Variants in PTPRG observed in about 807,000 individuals in gnomAD.
PTPRG encodes protein tyrosine phosphatase receptor type G.
PTPRG carries 102 observed loss-of-function variants against 165.3 expected under a neutral mutation model. The observed-to-expected ratio is 0.62, with a 90% CI of 0.53 to 0.73. PTPRG has a LOEUF of 0.73. Among genes scored for constraint, PTPRG ranks in the 30% least tolerant of loss-of-function variants. The pLI is 0.00. For synonymous variants in PTPRG, 675 were observed against 669.5 expected, an observed-to-expected ratio of 1.01 and a Z score of -0.13; for missense variants, 1,866 against 1,861.4, an observed-to-expected ratio of 1.00 and a Z score of -0.05.
At chr3:62,280,011 C>G (rs1441228912) in intron 26 of PTPRG, among the ~76,000 whole-genome samples, 1 of 152,002 alleles carries the variant, frequency 6.6e-6, no homozygotes, top group Non-Finnish European at 1.5e-5. Flanking sequence ...AATTAACTTT[C>G]TCTTAGGCAT....
intron 2 of PTPRG, among the ~76,000 whole-genome samples, chr3:61,787,104 C>CA (rs918052196): frequency 1.5e-4 from 22 of 146,112 alleles, no homozygotes; most frequent in East Asian, 4.0e-4. Context: ...CTTTGTGTGC[C>CA]AAAAAAAAAA....
intron 21 of PTPRG, among the ~76,000 whole-genome samples, chr3:62,272,364 T>C (rs1216808995): frequency 6.6e-6 from 1 of 152,210 alleles, no homozygotes; most frequent in African/African-American, 2.4e-5. Flanking sequence ...ATAAAGCTTG[T>C]TTTTTGTCAG....
chr3:62,026,522 C>T (rs186806440), intron 4 of PTPRG, among the ~76,000 whole-genome samples: 102 of 152,186 alleles, frequency 6.7e-4, no homozygotes, highest in African/African-American at 2.3e-3. Flanking sequence ...AATGCTGGGC[C>T]CTGTACTGCT....
At chr3:62,070,910 A>G (rs550805189) in intron 4 of PTPRG, among the ~76,000 whole-genome samples, 1 of 152,016 alleles carries the variant, frequency 6.6e-6, no homozygotes, top group African/African-American at 2.4e-5. Flanking sequence ...CAATGTGCAC[A>G]TGTACCCTAA....
intron 1 of PTPRG, among the ~76,000 whole-genome samples, chr3:61,699,038 G>A (rs2030784611): frequency 6.6e-6 from 1 of 151,898 alleles, no homozygotes; most frequent in South Asian, 2.1e-4. Context: ...GGGGAGCGGG[G>A]AGGGATAGCA....
chr3:62,296,214 G>C lies in PTPRG; in HGVS notation c.*2907G>C, dbSNP rs1350571469. On this transcript the variant is annotated 3_prime_UTR_variant, in exon 30 of 30. Transcript: ENST00000474889. The stretch of plus-strand genomic sequence containing the variant: ...AATTTCTGAATTTCAAAAAGAGTAA[G>C]ATTAGCTAATTGGTCTTCCTAATTT... 6.6e-6 allele frequency: 1 copy of C among 151,940 alleles called. No homozygotes were observed. The highest frequency in any genetic ancestry group is 1.5e-5 in the Non-Finnish European group (1 of 67,956). 9.4% of individuals were successfully genotyped at this position (151,940 alleles called of 1,614,324 possible). A position where few individuals can be genotyped will look rare whatever the true frequency, so the allele number is the denominator to read the frequency against.
intron 2 of PTPRG, among the ~76,000 whole-genome samples, chr3:61,938,933 A>G (rs1280315308): frequency 6.6e-6 from 1 of 152,212 alleles, no homozygotes; most frequent in Non-Finnish European, 1.5e-5. Flanking sequence ...ATAATAACTG[A>G]TGTAAAAACT....
rs1399204868 is a variant in PTPRG at position 61,631,578 on chromosome 3, C to T, written c.85+69206C>T. Among the ~76,000 whole-genome samples, 3 of 152,184 alleles carry T rather than the reference C, an allele frequency of 2.0e-5. No homozygotes were observed. The East Asian group carries it at 5.8e-4, about 29-fold the overall frequency. On this transcript the variant is annotated intron_variant, in intron 1 of 29. Transcript: ENST00000474889. ...ATGGTTTCAGGCATCCACTAGGGGT[C>T]TCAGAATGTATCCCCCTCAGATAAG...
At chr3:61,773,865 C>T (rs913494701) in intron 2 of PTPRG, among the ~76,000 whole-genome samples, 4 of 152,088 alleles carry the variant, frequency 2.6e-5, no homozygotes, top group East Asian at 1.9e-4. Context: ...ACCTCCGTCC[C>T]CCGTGTTCAA....
At position 61,582,272 on chromosome 3, in the gene PTPRG, A is replaced by T. The variant is rs563628132; in HGVS notation, c.85+19900A>T. ...GTGTGAGCCACTGCACCTGGCCCTT[A>T]TTTTGTTTTATTTATTAATTTTTTG... On this transcript the variant is annotated intron_variant, in intron 1 of 29. Transcript: ENST00000474889. 4.9e-4 allele frequency among the ~76,000 whole-genome samples: 75 copies of T among 152,128 alleles called. 1 individual carries two copies. The highest frequency in any genetic ancestry group is 1.5e-3 in the East Asian group (8 of 5,174).
chr3:62,031,239 G>T (rs1160346940), intron 4 of PTPRG, among the ~76,000 whole-genome samples: 1 of 152,310 alleles, frequency 6.6e-6, no homozygotes, highest in East Asian at 1.9e-4. Context: ...GGCTACATAG[G>T]AAGAAAATAA....
intron 17 of PTPRG, 43 bp downstream of exon 17, chr3:62,262,937 A>G: frequency 6.9e-7 from 1 of 1,444,284 alleles, no homozygotes. Context: ...CGAGGAAATT[A>G]AATTTTCATG....
intron 2 of PTPRG, among the ~76,000 whole-genome samples, chr3:61,945,203 A>C (rs113015813): frequency 7.9e-5 from 12 of 152,258 alleles, no homozygotes; most frequent in African/African-American, 2.9e-4. Flanking sequence ...TTCCTAATCT[A>C]GTAGGAAATT....
intron 2 of PTPRG, among the ~76,000 whole-genome samples, chr3:61,941,619 CAACAA>C (rs76713977): frequency 1.3e-5 from 2 of 151,136 alleles, no homozygotes; most frequent in Admixed American, 1.3e-4. Context: ...AACTCCATCT[CAACAA>C]AACAAAACAA....
intron 1 of PTPRG, among the ~76,000 whole-genome samples, chr3:61,592,338 A>G (rs1443474317): frequency 6.6e-6 from 1 of 152,044 alleles, no homozygotes; most frequent in Non-Finnish European, 1.5e-5. Context: ...AAAGGATAAG[A>G]CGTGTTCCCG....
At chr3:61,961,211 C>G (rs1575825990) in intron 2 of PTPRG, among the ~76,000 whole-genome samples, 1 of 152,230 alleles carries the variant, frequency 6.6e-6, no homozygotes, top group African/African-American at 2.4e-5. Context: ...GTGACTAATA[C>G]CCACAAACAT....
intron 4 of PTPRG, among the ~76,000 whole-genome samples, chr3:62,047,263 T>TTATTTATTTATGTATG (rs72146414): frequency 5.1e-4 from 77 of 149,956 alleles, no homozygotes; most frequent in Non-Finnish European, 4.0e-4. Context: ...ATTTATTTAT[T>TTATTTATTTATGTATG]TATTTATTTT....
chr3:62,275,534 G>A (rs750111776), intron 23 of PTPRG, among the ~76,000 whole-genome samples: 18 of 152,180 alleles, frequency 1.2e-4, no homozygotes, highest in Non-Finnish European at 2.5e-4. Flanking sequence ...CTCTGGGGCT[G>A]GGCATGGTAG....
At chr3:61,580,892 G>T (rs1050022322) in intron 1 of PTPRG, among the ~76,000 whole-genome samples, 3 of 152,210 alleles carry the variant, frequency 2.0e-5, no homozygotes, top group Admixed American at 6.5e-5. Flanking sequence ...AAGGTACTGT[G>T]TGATTTGTAC....
Sources: allele counts gnomAD v4.1 joint callset (sites outside exome capture counted in the v4.1 genomes callset), GRCh38; gene constraint gnomAD v4.1.1; transcripts MANE v1.5; gene names NCBI Gene and HGNC (gene_info 2026-07-23, HGNC 2026-07-21).